The following ENPEP variants were observed in gnomAD, a reference collection of about 807,000 sequenced individuals.
ENPEP encodes AP-A.
A neutral mutation model predicts 114.5 loss-of-function variants in ENPEP; 103 were observed. The observed-to-expected ratio is 0.90, with a 90% CI of 0.77 to 1.06. ENPEP has a LOEUF of 1.06. Among genes scored for constraint, ENPEP ranks in the 50% least tolerant of loss-of-function variants. The pLI is 0.00. For synonymous variants in ENPEP, 420 were observed against 422.0 expected (o/e 1.00, Z 0.06); for missense variants, 1,196 against 1,161.3 (o/e 1.03, Z -0.43).
intron 3 of ENPEP, chr4:110,500,034 T>G (rs549425012): frequency 7.9e-5 from 12 of 152,260 alleles, no homozygotes; most frequent in African/African-American, 2.9e-4. Context: ...TGCAGGGACA[T>G]AAATAATCAT....
At chr4:110,495,387 T>G (rs1194519200) in intron 3 of ENPEP, among the ~76,000 whole-genome samples, 4 of 152,186 alleles carry the variant, frequency 2.6e-5, no homozygotes, top group Admixed American at 6.5e-5. Context: ...ATGCTTTCGC[T>G]CTGCATGATT....
chr4:110,521,091 C>T (rs942549150), intron 10 of ENPEP, among the ~76,000 whole-genome samples: 2 of 152,200 alleles, frequency 1.3e-5, no homozygotes, highest in Non-Finnish European at 1.5e-5. Flanking sequence ...GCTGACAGCA[C>T]CCCTCATACA....
At chr4:110,482,572 A>G (rs754622034) in intron 1 of ENPEP, among the ~76,000 whole-genome samples, 3 of 152,210 alleles carry the variant, frequency 2.0e-5, no homozygotes, top group South Asian at 2.1e-4. Flanking sequence ...TGTGTAATGT[A>G]TTCTTACCTG....
At chr4:110,512,182 A>C (rs1349901343) in intron 6 of ENPEP, among the ~76,000 whole-genome samples, 2 of 152,246 alleles carry the variant, frequency 1.3e-5, no homozygotes, top group African/African-American at 4.8e-5. Context: ...GGTCAGATAG[A>C]TAAAGATATT....
At chr4:110,491,821 A>G (rs1217982791) in intron 3 of ENPEP, among the ~76,000 whole-genome samples, 1 of 151,048 alleles carries the variant, frequency 6.6e-6, no homozygotes, top group East Asian at 2.0e-4. Flanking sequence ...CCCGGGTTCA[A>G]GTGATTCTCT....
chr4:110,553,101 C>A (rs1727347657), intron 17 of ENPEP, among the ~76,000 whole-genome samples: 1 of 152,048 alleles, frequency 6.6e-6, no homozygotes, highest in Non-Finnish European at 1.5e-5. Flanking sequence ...TTACATTCCA[C>A]TAGTCTTTAA....
intron 3 of ENPEP, among the ~76,000 whole-genome samples, chr4:110,497,532 T>C (rs542086113): frequency 6.6e-6 from 1 of 152,246 alleles, no homozygotes; most frequent in African/African-American, 2.4e-5. Flanking sequence ...TATACTGCAG[T>C]AATAATCACT....
intron 1 of ENPEP, among the ~76,000 whole-genome samples, chr4:110,485,598 C>A (rs1291094588): frequency 1.3e-5 from 2 of 152,152 alleles, no homozygotes; most frequent in African/African-American, 4.8e-5. Flanking sequence ...CTAATGATGT[C>A]TTTTTGAATG....
chr4:110,489,157 A>T (rs2110336869), intron 2 of ENPEP, among the ~76,000 whole-genome samples: 1 of 152,138 alleles, frequency 6.6e-6, no homozygotes, highest in African/African-American at 2.4e-5. Flanking sequence ...TCCAGGGAAC[A>T]CTTTGCCCAT....
chr4:110,496,939 G>A (rs1021377904), intron 3 of ENPEP, among the ~76,000 whole-genome samples: 5 of 152,170 alleles, frequency 3.3e-5, no homozygotes, highest in African/African-American at 4.8e-5. Context: ...TTTTTTAGAA[G>A]CAATCGCTAA....
chr4:110,552,275 G>A (rs1318902820), intron 17 of ENPEP, among the ~76,000 whole-genome samples: 1 of 152,124 alleles, frequency 6.6e-6, no homozygotes, highest in Non-Finnish European at 1.5e-5. Context: ...CTGTTCTTAA[G>A]GGGTTGTGTT....
At chr4:110,498,517 A>G (rs1474596652) in intron 3 of ENPEP, among the ~76,000 whole-genome samples, 1 of 152,250 alleles carries the variant, frequency 6.6e-6, no homozygotes, top group Admixed American at 6.5e-5. Context: ...AACAAGACGT[A>G]TAAACAGGTA....
chr4:110,532,998 C>A, intron 11 of ENPEP: 2 of 397,668 alleles, frequency 5.0e-6, no homozygotes, highest in South Asian at 1.8e-5. Context: ...TGGTAAAAGA[C>A]ATAATAAGAA....
chr4:110,534,096 C>G (rs558611183), intron 11 of ENPEP, among the ~76,000 whole-genome samples: 1 of 152,252 alleles, frequency 6.6e-6, no homozygotes, highest in African/African-American at 2.4e-5. Flanking sequence ...GCTTAGAGCA[C>G]GGATGACGAA....
At chr4:110,545,891 G>A (rs1727034867) in intron 13 of ENPEP, among the ~76,000 whole-genome samples, 1 of 151,904 alleles carries the variant, frequency 6.6e-6, no homozygotes, top group Non-Finnish European at 1.5e-5. Flanking sequence ...TCACTCTGAG[G>A]CCAGAGCAGC....
Position 110,554,780 on chromosome 4 carries a change from G to A in ENPEP, c.2642+1325G>A, listed in dbSNP as rs138154113. On this transcript the variant is annotated intron_variant, in intron 18 of 19. Coordinates refer to ENST00000265162, the MANE Select transcript of ENPEP (RefSeq NM_001977.4). ...ATACAACTATCTCTTTTTCTGTGGT[G>A]TATGGTGCAGGAAACCTATGTAGAT... 4.5e-3 allele frequency among the ~76,000 whole-genome samples: 677 copies of A among 152,060 alleles called. 7 individuals are homozygous for A. Among genetic ancestry groups the A allele is most frequent in the African/African-American group, 0.016 (650 of 41,538 alleles).
intron 17 of ENPEP, among the ~76,000 whole-genome samples, chr4:110,552,309 A>G (rs1295346496): frequency 6.6e-6 from 1 of 152,132 alleles, no homozygotes; most frequent in African/African-American, 2.4e-5. Context: ...TGTGGCATGG[A>G]CTTTATTTAA....
At chr4:110,494,197 G>A (rs972723739) in intron 3 of ENPEP, among the ~76,000 whole-genome samples, 2 of 152,046 alleles carry the variant, frequency 1.3e-5, no homozygotes, top group Non-Finnish European at 2.9e-5. Context: ...ACCTGTTTCC[G>A]ACCCATTCCT....
At chr4:110,478,817 G>A (rs551482333) in intron 1 of ENPEP, among the ~76,000 whole-genome samples, 52 of 152,246 alleles carry the variant, frequency 3.4e-4, no homozygotes, top group African/African-American at 1.1e-3. Context: ...ATATTGTTGA[G>A]CATTTGAGTT....
Sources: gnomAD v4.1 joint callset for allele counts (sites outside exome capture counted in the v4.1 genomes callset) on GRCh38, gnomAD v4.1.1 for gene constraint, MANE v1.5 for transcripts, NCBI Gene and HGNC (gene_info 2026-07-23, HGNC 2026-07-21) for gene names.